Variants in TLE4 observed in about 807,000 individuals in gnomAD.
TLE4 encodes transducin-like enhancer protein 4.
In TLE4, 8 loss-of-function variants were observed where a neutral mutation model predicts 92.8. The ratio of observed to expected loss-of-function variants is 0.09; its 90% CI spans 0.05 to 0.16. The LOEUF (loss-of-function observed/expected upper bound fraction) is 0.16, where lower values mean the gene tolerates loss of function less well. Ranked by LOEUF, TLE4 falls within the 10% of genes least tolerant of loss-of-function variation. The probability of loss-of-function intolerance (pLI) is 1.00; values close to 1 mark genes in which losing one functional copy is unlikely to be tolerated. For missense variants in TLE4, 675 were observed against 997.6 expected (o/e 0.68, Z 4.36); for synonymous variants, 371 against 374.1 (o/e 0.99, Z 0.10).
rs774892195 is a variant in TLE4 at position 79,706,766 on chromosome 9, G to A, written c.803G>A (p.Gly268Glu). 2 of 1,613,502 alleles carry A rather than the reference G, an allele frequency of 1.2e-6. No individual in the cohort carries two copies. The highest frequency in any genetic ancestry group is 1.7e-6 in the Non-Finnish European group (2 of 1,179,798). ...VSNEDPSSPR[G>E]SPAHSPRENG... ...TTGTAGGATCCATCTTCCCCTCGAG[G>A]GAGCCCAGCACATTCCCCCAGAGAG... is the stretch of plus-strand genomic sequence containing the variant. The change falls in exon 11 of 20, where the codon GGG (glycine) becomes GAG (glutamate). Residue 268 changes from glycine (G) to glutamate (E), a missense_variant. Gly to Glu is a moderately conservative substitution (Grantham distance 98). Around this residue, in one of 5 missense-constraint regions of TLE4, gnomAD observed 280 missense variants for 287.3 expected, o/e 0.97. Transcript: ENST00000376552.
intron 8 of TLE4, among the ~76,000 whole-genome samples, chr9:79,663,072 G>A (rs1030729897): frequency 6.6e-6 from 1 of 151,526 alleles, no homozygotes; most frequent in African/African-American, 2.4e-5. Flanking sequence ...GGGGGTGGGG[G>A]TGGAGAAGGA....
chr9:79,683,039 C>A (rs2065056058), intron 8 of TLE4, among the ~76,000 whole-genome samples: 1 of 152,180 alleles, frequency 6.6e-6, no homozygotes. Context: ...GTTTTTACAT[C>A]TTTGACAGGG....
chr9:79,669,394 A>C (rs1188916168), intron 8 of TLE4, among the ~76,000 whole-genome samples: 1 of 152,242 alleles, frequency 6.6e-6, no homozygotes. Flanking sequence ...TTTAAAAAAC[A>C]TGGGCAAGAA....
chr9:79,677,314 G>C (rs957496366), intron 8 of TLE4, among the ~76,000 whole-genome samples: 1 of 152,000 alleles, frequency 6.6e-6, no homozygotes. Context: ...AATTTAGTTC[G>C]TGGCCTCTGT....
intron 8 of TLE4, among the ~76,000 whole-genome samples, chr9:79,684,239 A>G (rs1483226798): frequency 6.6e-6 from 1 of 152,094 alleles, no homozygotes; most frequent in African/African-American, 2.4e-5. Context: ...TTTTCTCTCT[A>G]GGCTGGGCTT....
chr9:79,715,309 T>C (rs1325545987), intron 14 of TLE4, among the ~76,000 whole-genome samples: 1 of 152,212 alleles, frequency 6.6e-6, no homozygotes, highest in Non-Finnish European at 1.5e-5. Context: ...TCTCTTCCTT[T>C]AAGATTTAGT....
chr9:79,573,424 G>A, intron 1 of TLE4: 8 of 1,198,358 alleles, frequency 6.7e-6, no homozygotes, highest in Non-Finnish European at 8.5e-6. Flanking sequence ...TCTTTGGCCG[G>A]GGAGGGGAGA....
At chr9:79,590,721 A>G (rs2042331213) in intron 4 of TLE4, among the ~76,000 whole-genome samples, 1 of 152,204 alleles carries the variant, frequency 6.6e-6, no homozygotes, top group Non-Finnish European at 1.5e-5. Context: ...TTCCCAGATT[A>G]GATTTACAAA....
intron 6 of TLE4, among the ~76,000 whole-genome samples, chr9:79,647,506 T>C (rs1000245680): frequency 6.6e-6 from 1 of 152,188 alleles, no homozygotes; most frequent in Non-Finnish European, 1.5e-5. Flanking sequence ...AGATTATTGC[T>C]GCTTAAGATG....
intron 4 of TLE4, among the ~76,000 whole-genome samples, chr9:79,606,208 T>G (rs900091707): frequency 2.4e-5 from 3 of 125,494 alleles, no homozygotes; most frequent in East Asian, 2.5e-4. Context: ...TTTTTTTTTT[T>G]TTTTTTTTTT....
At chr9:79,605,279 C>T (rs1014801468) in intron 4 of TLE4, among the ~76,000 whole-genome samples, 1 of 152,094 alleles carries the variant, frequency 6.6e-6, no homozygotes, top group African/African-American at 2.4e-5. Context: ...TTCTATTTTC[C>T]CTGCCTCTCC....
rs190083528 is a variant in TLE4 at position 79,689,927 on chromosome 9, G to A, written c.610-14856G>A. On this transcript the variant is annotated intron_variant, in intron 8 of 19. Transcript: ENST00000376552. ...CTTAAGCCTACCCTCTCTGGACAGC[G>A]TCTGATTTAATTGTTCTGGGGTGGG... is the stretch of plus-strand genomic sequence containing the variant. Among the ~76,000 whole-genome samples the A allele has an allele frequency of 4.1e-4, 63 of 152,278 alleles. 1 individual carries two copies. The highest frequency in any genetic ancestry group is 1.2e-3 in the Admixed American group (18 of 15,282).
chr9:79,678,606 A>G (rs1326692435), intron 8 of TLE4, among the ~76,000 whole-genome samples: 1 of 128,896 alleles, frequency 7.8e-6, no homozygotes, highest in African/African-American at 2.5e-5. Flanking sequence ...GAAGTACTTT[A>G]TTATTGTTTT....
chr9:79,671,548 G>C (rs775291784), intron 8 of TLE4: 13 of 258,012 alleles, frequency 5.0e-5, no homozygotes, highest in African/African-American at 2.6e-4. Context: ...GATGCTTGTC[G>C]AGCAGGAGAG....
intron 4 of TLE4, among the ~76,000 whole-genome samples, chr9:79,611,038 C>G (rs1349364353): frequency 2.6e-5 from 4 of 151,998 alleles, no homozygotes; most frequent in African/African-American, 9.7e-5. Context: ...ATTCTCTCCC[C>G]CTCCACCTCT....
intron 8 of TLE4, among the ~76,000 whole-genome samples, chr9:79,671,969 GCTTT>G (rs1394305551): frequency 8.6e-6 from 1 of 115,866 alleles, no homozygotes; most frequent in Non-Finnish European, 1.7e-5. Flanking sequence ...TACGGCCTAT[GCTTT>G]TTAGGCCATT....
In TLE4 at chr9:79,654,180, G is replaced by A. The variant is rs2059426030; in HGVS notation, c.609+105G>A. ...TGAGATTTAGAGAATGATTTCATTG[G>A]TTAGTAGTGGTTAACTGCATTTTTA... On this transcript the variant is annotated intron_variant, in intron 8 of 19. Transcript: ENST00000376552. 5.1e-6 allele frequency: 6 copies of A among 1,168,112 alleles called. No homozygotes were observed. In the South Asian group the frequency reaches 8.1e-5, roughly 16 times the overall value. 72.4% of individuals were successfully genotyped at this position (1,168,112 alleles called of 1,614,324 possible). A position where few individuals can be genotyped will look rare whatever the true frequency, so the allele number is the denominator to read the frequency against.
intron 4 of TLE4, among the ~76,000 whole-genome samples, chr9:79,609,930 A>C (rs1241757418): frequency 6.6e-6 from 1 of 152,088 alleles, no homozygotes; most frequent in Non-Finnish European, 1.5e-5. Context: ...GACTGGGAAT[A>C]TATTGTCTAA....
intron 5 of TLE4, among the ~76,000 whole-genome samples, chr9:79,622,421 T>A (rs910659409): frequency 2.0e-5 from 3 of 152,192 alleles, no homozygotes; most frequent in Non-Finnish European, 2.9e-5. Flanking sequence ...GGAATTCTTT[T>A]ATCCTCATTC....
Sources: allele counts gnomAD v4.1 joint callset (sites outside exome capture counted in the v4.1 genomes callset), GRCh38; gene constraint gnomAD v4.1.1; regional missense constraint gnomAD v4.1.1; transcripts MANE v1.5; gene names NCBI Gene and HGNC (gene_info 2026-07-23, HGNC 2026-07-21).